The following VPS13B variants were observed in gnomAD, a reference collection of about 807,000 sequenced individuals.
VPS13B encodes the protein intermembrane lipid transfer protein VPS13B.
Under a neutral mutation model 426.4 loss-of-function variants are expected in VPS13B, and 285 were observed. The ratio of observed to expected loss-of-function variants is 0.67; its 90% CI spans 0.61 to 0.74. VPS13B has a LOEUF of 0.74. Ranked by LOEUF, VPS13B falls within the 30% of genes least tolerant of loss-of-function variation. The pLI is 0.00. For missense variants in VPS13B, 4,537 were observed against 4,782.6 expected (o/e 0.95, Z 1.51); for synonymous variants, 1,676 against 1,676.4 (o/e 1.00, Z 0.01).
intron 40 of VPS13B, among the ~76,000 whole-genome samples, chr8:99,773,840 A>C (rs1811623845): frequency 6.6e-6 from 1 of 152,184 alleles, no homozygotes; most frequent in African/African-American, 2.4e-5. Flanking sequence ...TTGAAATATA[A>C]ATATTATAAG....
At chr8:99,087,037 A>G (rs1457584956) in intron 3 of VPS13B, among the ~76,000 whole-genome samples, 1 of 152,168 alleles carries the variant, frequency 6.6e-6, no homozygotes, top group Non-Finnish European at 1.5e-5. Context: ...TTGTTTGGCT[A>G]TGCCCTGCCC....
chr8:99,832,366 T>TTTC lies in VPS13B; in HGVS notation c.9331-3_9331-2insTTC, dbSNP rs751767911. 2.0e-6 allele frequency: 3 copies of TTTC among 1,467,762 alleles called. No homozygotes were observed. The highest frequency in any genetic ancestry group is 2.7e-6 in the Non-Finnish European group (3 of 1,108,592). The allele number at this position is 1,467,762 out of a possible 1,614,324, so 90.9% of individuals were successfully genotyped here. A position where few individuals can be genotyped will look rare whatever the true frequency, so the allele number is the denominator to read the frequency against. On this transcript the variant is annotated splice_region_variant and splice_polypyrimidine_tract_variant and intron_variant, in intron 51 of 61. Transcript: ENST00000357162. ...ATTTTTTTTTTTTTTTTTTTTTTTT[T>TTTC]AGTATTTTCGTGTTCCAGACAGTGC... is the stretch of plus-strand genomic sequence containing the variant.
intron 5 of VPS13B, among the ~76,000 whole-genome samples, chr8:99,104,272 G>T (rs1203314473): frequency 6.6e-6 from 1 of 152,128 alleles, no homozygotes; most frequent in Admixed American, 6.5e-5. Flanking sequence ...TAAAAATATA[G>T]TATTATAATC....
chr8:99,351,015 G>A (rs890562502), intron 19 of VPS13B, among the ~76,000 whole-genome samples: 3 of 151,848 alleles, frequency 2.0e-5, no homozygotes, highest in Non-Finnish European at 2.9e-5. Context: ...TAAAAGAAAT[G>A]CAGTAATGGT....
intron 33 of VPS13B, among the ~76,000 whole-genome samples, chr8:99,640,081 GAAAAGA>G (rs1439178029): frequency 4.7e-5 from 7 of 147,424 alleles, no homozygotes; most frequent in African/African-American, 1.8e-4. Flanking sequence ...GAAAAGAAAA[GAAAAGA>G]AAAGAAAAGA....
chr8:99,282,448 G>T (rs1014607705), intron 19 of VPS13B, among the ~76,000 whole-genome samples: 37 of 152,144 alleles, frequency 2.4e-4, no homozygotes, highest in African/African-American at 8.2e-4. Flanking sequence ...GGAAACCGTG[G>T]ATCTTTTTCA....
chr8:99,515,879 A>G (rs1822041971), intron 29 of VPS13B, among the ~76,000 whole-genome samples: 1 of 152,174 alleles, frequency 6.6e-6, no homozygotes, highest in South Asian at 2.1e-4. Context: ...GCTACTTTTT[A>G]AGGAGTTGCT....
At chr8:99,354,025 A>G (rs1327231843) in intron 19 of VPS13B, among the ~76,000 whole-genome samples, 1 of 152,050 alleles carries the variant, frequency 6.6e-6, no homozygotes. Flanking sequence ...TTGTTGTATT[A>G]CCCTTCTTGT....
intron 33 of VPS13B, among the ~76,000 whole-genome samples, chr8:99,631,450 A>C (rs991188119): frequency 5.9e-5 from 9 of 152,232 alleles, no homozygotes; most frequent in Admixed American, 4.6e-4. Context: ...AAAATTGGGT[A>C]CAGTCGTGAG....
At chr8:99,161,858 G>A (rs530004661) in intron 15 of VPS13B, among the ~76,000 whole-genome samples, 22 of 150,470 alleles carry the variant, frequency 1.5e-4, no homozygotes, top group Admixed American at 6.0e-4. Context: ...TCAGCCTCCC[G>A]AGTAGCTAGG....
intron 30 of VPS13B, among the ~76,000 whole-genome samples, chr8:99,527,197 T>C (rs1467520161): frequency 1.3e-5 from 2 of 152,094 alleles, no homozygotes; most frequent in African/African-American, 4.8e-5. Context: ...AAAATTTTTG[T>C]AAACTTTTAG....
rs1320412285 is a variant in VPS13B, at chr8:99,148,001, G to A, written c.2004G>A (p.Met668Ile). 17 of 1,611,890 alleles carry A rather than the reference G, an allele frequency of 1.1e-5. No individual in the cohort carries two copies. Among genetic ancestry groups the A allele is most frequent in the Non-Finnish European group, 1.4e-5 (16 of 1,179,052 alleles). The change falls in exon 14 of 62, where the codon ATG becomes ATA. Residue 668 changes from methionine (M) to isoleucine (I), a missense_variant. Around this residue, in one of 2 missense-constraint regions of VPS13B, gnomAD observed 4,311 missense variants for 4,474.3 expected, o/e 0.96. Transcript: ENST00000357162. ...NLLDHLLPVI[M>I]GEKNSSNFMN... ...TGGACCATTTACTACCTGTCATTATGGGAGAAAAGGTATATTTTGTGATTT... is the reference window on the plus strand; with the variant it reads ...TGGACCATTTACTACCTGTCATTATAGGAGAAAAGGTATATTTTGTGATTT...
intron 19 of VPS13B, among the ~76,000 whole-genome samples, chr8:99,328,393 A>G (rs1384289059): frequency 2.0e-5 from 3 of 152,126 alleles, no homozygotes; most frequent in African/African-American, 7.2e-5. Context: ...TGTGGGAACT[A>G]TTACTTTTGT....
chr8:99,257,195 AT>A (rs1354310858), intron 17 of VPS13B, among the ~76,000 whole-genome samples: 1 of 152,164 alleles, frequency 6.6e-6, no homozygotes, highest in Non-Finnish European at 1.5e-5. Context: ...GGGAATATAT[AT>A]TCAAACCGTA....
At chr8:99,508,964 C>T (rs570631593) in intron 28 of VPS13B, among the ~76,000 whole-genome samples, 3 of 151,900 alleles carry the variant, frequency 2.0e-5, no homozygotes, top group Non-Finnish European at 2.9e-5. Flanking sequence ...TTACATTCCA[C>T]GTTTAAAATA....
Position 99,853,835 on chromosome 8 carries a change from C to T in VPS13B, c.10446C>T (p.Ile3482=). 1.2e-6 allele frequency: 2 copies of T among 1,614,236 alleles called. No individual in the cohort carries two copies. The highest frequency in any genetic ancestry group is 1.7e-6 in the Non-Finnish European group (2 of 1,180,042). ...YKEKCFIKLC[I]TLNEGKSILC... is the part of the protein sequence containing the mutation. ...AAAAATGTTTTATCAAACTTTGCATCACCTTAAATGAAGGCAAGAGCATCC... is the reference window on the plus strand; with the variant it reads ...AAAAATGTTTTATCAAACTTTGCATTACCTTAAATGAAGGCAAGAGCATCC... Residue 3482 remains isoleucine, a synonymous_variant, in exon 56 of 62, where the codon ATC becomes ATT. Coordinates refer to ENST00000357162, the MANE Select transcript of VPS13B (RefSeq NM_152564.5).
Position 99,134,746 on chromosome 8 carries a change from A to T in VPS13B, c.1302+19A>T. 3 of 1,561,724 alleles carry T rather than the reference A, an allele frequency of 1.9e-6. No individual in the cohort carries two copies. The highest frequency in any genetic ancestry group is 2.6e-6 in the Non-Finnish European group (3 of 1,135,848). On this transcript the variant is annotated intron_variant, in intron 9 of 61. Transcript: ENST00000357162. ...AGTTGAGGTAATCTTTCAATATTGA[A>T]CCTGTATTTTTAAATATTTTGTTCT...
At chr8:99,867,257 A>T (rs908573774) in intron 58 of VPS13B, among the ~76,000 whole-genome samples, 13 of 152,304 alleles carry the variant, frequency 8.5e-5, no homozygotes, top group African/African-American at 2.9e-4. Flanking sequence ...TCACGAAAAA[A>T]AAATCAGAAT....
intron 2 of VPS13B, among the ~76,000 whole-genome samples, chr8:99,023,210 A>C (rs1841983535): frequency 6.6e-6 from 1 of 151,202 alleles, no homozygotes; most frequent in South Asian, 2.1e-4. Flanking sequence ...TCCAGCTGTA[A>C]TTTTGTATCT....
Sources: allele counts gnomAD v4.1 joint callset (sites outside exome capture counted in the v4.1 genomes callset), GRCh38; gene constraint gnomAD v4.1.1; regional missense constraint gnomAD v4.1.1; transcripts MANE v1.5; gene names NCBI Gene and HGNC (gene_info 2026-07-23, HGNC 2026-07-21).